The following PCNT variants were observed in gnomAD, a reference collection of about 807,000 sequenced individuals.
The protein encoded by PCNT is kendrin.
A neutral mutation model predicts 380.4 loss-of-function variants in PCNT; 319 were observed. That is an observed-to-expected ratio of 0.84 (90% confidence interval 0.77 to 0.92). The LOEUF is 0.92. PCNT is among the 40% of genes least tolerant of loss of function. The pLI is 0.00. For synonymous variants in PCNT, 1,845 were observed against 1,735.2 expected, an observed-to-expected ratio of 1.06 and a Z score of -1.57; for missense variants, 4,400 against 4,255.3, an observed-to-expected ratio of 1.03 and a Z score of -0.95.
intron 29 of PCNT, 144 bp from the exon 30 acceptor site, chr21:46,415,925 T>G: frequency 1.4e-6 from 1 of 734,718 alleles, no homozygotes; most frequent in Non-Finnish European, 2.3e-6. Context: ...CTCATAGAAT[T>G]AAATAAACTT....
In PCNT at chr21:46,401,577, G is replaced by A. The variant is rs750105722; in HGVS notation, c.4818G>A (p.Gln1606=). 1.7e-5 allele frequency: 27 copies of A among 1,614,010 alleles called. No homozygotes were observed. Among genetic ancestry groups the A allele is most frequent in the Non-Finnish European group, 2.1e-5 (25 of 1,179,888 alleles). ...EQDKEVLKKQ[Q]MSSLLLASTL... Reference sequence around the variant, plus strand: ...ATAAAGAGGTGTTAAAGAAACAGCAGATGAGTAGCTTGCTTCTGGCGTCCA... The same window carrying A: ...ATAAAGAGGTGTTAAAGAAACAGCAAATGAGTAGCTTGCTTCTGGCGTCCA... The change falls in exon 26 of 47, where the codon CAG becomes CAA. Residue 1606 remains glutamine (Q), a synonymous_variant. Coordinates refer to ENST00000359568, the MANE Select transcript of PCNT (RefSeq NM_006031.6).
chr21:46,401,538 T>C lies in PCNT; in HGVS notation c.4792-13T>C, dbSNP rs375944780. 7 of 1,610,770 alleles carry C rather than the reference T, an allele frequency of 4.3e-6. No individual in the cohort carries two copies. The African/African-American group carries it at 9.4e-5, about 22-fold the overall frequency. Reference sequence around the variant, plus strand: ...AATATTTGCCTAAAATAGAGTTCTTTTTTTTTTAATAGGATAAAGAGGTGT... The same window carrying C: ...AATATTTGCCTAAAATAGAGTTCTTCTTTTTTTAATAGGATAAAGAGGTGT... On this transcript the variant is annotated splice_polypyrimidine_tract_variant and intron_variant, in intron 25 of 46. Transcript: ENST00000359568.
rs749297015 is a variant in PCNT, at chr21:46,424,557, AAG to A, written c.7180-1270_7180-1269del. Among the ~76,000 whole-genome samples the A allele has an allele frequency of 1.1e-3, 166 of 152,186 alleles. 1 individual carries two copies. Among genetic ancestry groups the A allele is most frequent in the Non-Finnish European group, 3.5e-4 (24 of 68,034 alleles). On this transcript the variant is annotated intron_variant, in intron 32 of 46. Transcript: ENST00000359568. ...CAGGGCCTCTGCATCTCTTCTTTGT[AAG>A]AGATGTTTTTTAAAATGCATTTTCT...
chr21:46,344,198 C>A (rs935048217), intron 3 of PCNT, among the ~76,000 whole-genome samples: 2 of 151,940 alleles, frequency 1.3e-5, no homozygotes, highest in African/African-American at 4.8e-5. Context: ...CTCAGCCTCC[C>A]GAGTAGCTGG....
At chr21:46,338,933 A>G (rs2083836572) in intron 3 of PCNT, among the ~76,000 whole-genome samples, 1 of 152,108 alleles carries the variant, frequency 6.6e-6, no homozygotes, top group African/African-American at 2.4e-5. Context: ...GGTGCATGCC[A>G]CTATCACTTG....
intron 15 of PCNT, among the ~76,000 whole-genome samples, chr21:46,375,980 C>T (rs1341154986): frequency 6.6e-6 from 1 of 152,200 alleles, no homozygotes; most frequent in African/African-American, 2.4e-5. Flanking sequence ...TTCCAGCTGC[C>T]AGTGGGTGGA....
At chr21:46,372,157 GGCACAC>G (rs980177896) in intron 15 of PCNT, among the ~76,000 whole-genome samples, 5 of 119,758 alleles carry the variant, frequency 4.2e-5, no homozygotes, top group African/African-American at 1.6e-4. Flanking sequence ...GCCCATACAA[GGCACAC>G]GCACACACAC....
chr21:46,368,263 G>A (rs1430744198), intron 15 of PCNT, among the ~76,000 whole-genome samples: 2 of 152,118 alleles, frequency 1.3e-5, no homozygotes, highest in Non-Finnish European at 2.9e-5. Context: ...GGCTAACACG[G>A]TGAAACCCCG....
Position 46,349,745 on chromosome 21 carries a change from G to A in PCNT, c.1269G>A (p.Leu423=). The change falls in exon 8 of 47, where the codon CTG becomes CTA. Residue 423 remains leucine, a synonymous_variant. Coordinates refer to ENST00000359568, the MANE Select transcript of PCNT (RefSeq NM_006031.6). The part of the protein sequence containing the change: ...QAAIEKLRED[L]QSEHGRCLED... ...CCATTGAGAAGTTACGTGAAGACCT[G>A]CAGTCCGAGCACGGCCGGTGTTTAG... 6.2e-7 allele frequency: 1 copy of A among 1,613,994 alleles called. No homozygotes were observed. The highest frequency in any genetic ancestry group is 1.3e-5 in the African/African-American group (1 of 75,046).
At chr21:46,372,252 G>A (rs965368123) in intron 15 of PCNT, among the ~76,000 whole-genome samples, 5 of 150,954 alleles carry the variant, frequency 3.3e-5, no homozygotes, top group African/African-American at 1.2e-4. Context: ...CACATACACA[G>A]CACATGTGCA....
intron 35 of PCNT, among the ~76,000 whole-genome samples, chr21:46,428,906 A>G (rs952366768): frequency 6.6e-6 from 1 of 150,664 alleles, no homozygotes; most frequent in Non-Finnish European, 1.5e-5. Flanking sequence ...TCTACATTTA[A>G]TTTAGCTTCT....
chr21:46,344,394 G>A lies in PCNT; in HGVS notation c.640-1734G>A, dbSNP rs1396870817. Among the ~76,000 whole-genome samples the A allele has an allele frequency of 2.0e-5, 3 of 152,322 alleles. No individual in the cohort carries two copies. The East Asian group carries it at 5.8e-4, about 29-fold the overall frequency. ...CGGCCCGAGCTCCTGACATTGAAGG[G>A]AGATGTTGCTGCACTCATGTGGCCG... On this transcript the variant is annotated intron_variant, in intron 3 of 46. Transcript: ENST00000359568.
chr21:46,406,470 T>C (rs1262261565), intron 27 of PCNT, among the ~76,000 whole-genome samples: 2 of 152,268 alleles, frequency 1.3e-5, no homozygotes, highest in Admixed American at 6.5e-5. Context: ...TATGTTAACC[T>C]TGCTGTTACC....
intron 3 of PCNT, among the ~76,000 whole-genome samples, chr21:46,345,667 A>G (rs543048895): frequency 6.6e-5 from 10 of 152,280 alleles, no homozygotes; most frequent in African/African-American, 2.4e-4. Context: ...AGCATGTGTG[A>G]GCACCATCTC....
intron 31 of PCNT, among the ~76,000 whole-genome samples, chr21:46,419,146 A>C (rs1048650560): frequency 6.6e-6 from 1 of 152,206 alleles, no homozygotes; most frequent in South Asian, 2.1e-4. Flanking sequence ...TTTTTAAAAA[A>C]TCTGTTGGAT....
At chr21:46,416,893 C>G in intron 30 of PCNT, 54 bp downstream of exon 30, 1 of 1,559,610 alleles carries the variant, frequency 6.4e-7, no homozygotes, top group East Asian at 2.3e-5. Context: ...TGTGGTCTGC[C>G]CGGCGCCACG....
intron 2 of PCNT, among the ~76,000 whole-genome samples, chr21:46,333,649 C>G (rs1293797071): frequency 1.3e-5 from 2 of 151,556 alleles, no homozygotes; most frequent in African/African-American, 4.8e-5. Flanking sequence ...ACCTGTAATC[C>G]CAGCACTTGG....
At chr21:46,408,317 T>C (rs1241612860) in intron 27 of PCNT, among the ~76,000 whole-genome samples, 2 of 152,354 alleles carry the variant, frequency 1.3e-5, no homozygotes, top group East Asian at 1.9e-4. Context: ...GACATTTGGA[T>C]AGTTTCTAGG....
rs367711247 is a variant in PCNT, at chr21:46,324,282, G to A, written c.54G>A (p.Lys18=). ...GAAAGGTGGAGGCCGGGAGGACGAAGGTAAACATTAGGGGCTTCTTCTCTA... is the reference window on the plus strand; with the variant it reads ...GAAAGGTGGAGGCCGGGAGGACGAAAGTAAACATTAGGGGCTTCTTCTCTA... ...RRRKVEAGRT[K]LAHFRQRKTK... Residue 18 remains lysine, a splice_region_variant and synonymous_variant, in exon 1 of 47, where the codon AAG becomes AAA. Transcript: ENST00000359568. The A allele has an allele frequency of 2.1e-5, 33 of 1,609,724 alleles. No individual in the cohort carries two copies. The highest frequency in any genetic ancestry group is 2.4e-5 in the Non-Finnish European group (28 of 1,177,798).
Sources: allele counts gnomAD v4.1 joint callset (sites outside exome capture counted in the v4.1 genomes callset), GRCh38; gene constraint gnomAD v4.1.1; transcripts MANE v1.5; gene names NCBI Gene and HGNC (gene_info 2026-07-23, HGNC 2026-07-21).